Variants in ZFHX3 observed in about 807,000 individuals in gnomAD.
The protein encoded by ZFHX3 is zinc finger homeobox 3.
A neutral mutation model predicts 279.1 loss-of-function variants in ZFHX3; 42 were observed. The observed-to-expected ratio is 0.15, with a 90% CI of 0.12 to 0.19. ZFHX3 has a LOEUF of 0.19. Among genes scored for constraint, ZFHX3 ranks in the 10% least tolerant of loss-of-function variants. The pLI is 1.00. For missense variants in ZFHX3, 4,981 were observed against 4,754.0 expected, an observed-to-expected ratio of 1.05 and a Z score of -1.40; for synonymous variants, 2,293 against 1,957.8, an observed-to-expected ratio of 1.17 and a Z score of -4.52.
chr16:73,699,500 T>G (rs529675443), intron 1 of ZFHX3, among the ~76,000 whole-genome samples: 2 of 152,278 alleles, frequency 1.3e-5, no homozygotes, highest in African/African-American at 2.4e-5. Flanking sequence ...ATCGCCAAGT[T>G]TTTTGTTACA....
intron 7 of ZFHX3, among the ~76,000 whole-genome samples, chr16:73,122,056 C>T (rs2144809346): frequency 6.6e-6 from 1 of 152,100 alleles, no homozygotes; most frequent in Admixed American, 6.5e-5. Context: ...GTCTCTCTCC[C>T]CACTAAGACT....
In ZFHX3 at chr16:72,975,978, T is replaced by G. The variant is rs576658512; in HGVS notation, c.-49-15784A>C. Among the ~76,000 whole-genome samples the G allele has an allele frequency of 3.1e-3, 472 of 152,300 alleles. 2 individuals carry two copies. Among genetic ancestry groups the G allele is most frequent in the Non-Finnish European group, 4.9e-3 (330 of 68,020 alleles). ...AGTGTGGTTACATATTTTTCCTTAATGGCTTCCTGAACACCCTGGTTAGGT... is the reference window on the plus strand; with the variant it reads ...AGTGTGGTTACATATTTTTCCTTAAGGGCTTCCTGAACACCCTGGTTAGGT... On this transcript the variant is annotated intron_variant, in intron 1 of 9. Coordinates refer to ENST00000268489, the MANE Select transcript of ZFHX3 (RefSeq NM_006885.4).
intron 1 of ZFHX3, chr16:73,816,159 G>A (rs1438099632): frequency 6.6e-6 from 1 of 152,160 alleles, no homozygotes; most frequent in Non-Finnish European, 1.5e-5. Flanking sequence ...GTGCATTGGT[G>A]GAGCTAGATA....
intron 3 of ZFHX3, among the ~76,000 whole-genome samples, chr16:73,325,612 G>A (rs2015666072): frequency 6.6e-6 from 1 of 152,148 alleles, no homozygotes; most frequent in Non-Finnish European, 1.5e-5. Flanking sequence ...ATGGGTATTG[G>A]TGAATGATAG....
intron 3 of ZFHX3, among the ~76,000 whole-genome samples, chr16:73,426,595 T>A (rs543976837): frequency 1.7e-4 from 26 of 152,080 alleles, no homozygotes; most frequent in Non-Finnish European, 2.9e-4. Context: ...TGTGTGTGTG[T>A]GAGAGAGAGA....
chr16:73,619,179 T>A (rs1295161477), intron 2 of ZFHX3, among the ~76,000 whole-genome samples: 1 of 152,024 alleles, frequency 6.6e-6, no homozygotes, highest in Non-Finnish European at 1.5e-5. Context: ...AAATAAGCAC[T>A]ATGGAGAAAA....
chr16:73,226,713 G>T (rs1346051319), intron 5 of ZFHX3, among the ~76,000 whole-genome samples: 1 of 152,154 alleles, frequency 6.6e-6, no homozygotes, highest in Non-Finnish European at 1.5e-5. Flanking sequence ...CAAATTGATG[G>T]TACTTCCCAC....
intron 6 of ZFHX3, among the ~76,000 whole-genome samples, chr16:73,138,329 C>T (rs1191604113): frequency 6.6e-6 from 1 of 152,018 alleles, no homozygotes; most frequent in Non-Finnish European, 1.5e-5. Context: ...ACGTTTGGGC[C>T]CTGTATAGAG....
intron 4 of ZFHX3, among the ~76,000 whole-genome samples, chr16:73,296,351 G>T (rs915819234): frequency 1.3e-5 from 2 of 152,166 alleles, no homozygotes; most frequent in Non-Finnish European, 2.9e-5. Context: ...ATGAAGGAAG[G>T]ATGGGAGAAC....
At chr16:72,960,738 C>T (rs1961539219) in intron 1 of ZFHX3, among the ~76,000 whole-genome samples, 1 of 152,180 alleles carries the variant, frequency 6.6e-6, no homozygotes. Context: ...AGAACAATTG[C>T]AGCCGTCGCT....
Position 73,788,774 on chromosome 16 carries a change from A to G in ZFHX3, c.-1608+102877T>C, listed in dbSNP as rs190504950. 1.3e-3 allele frequency among the ~76,000 whole-genome samples: 196 copies of G among 151,276 alleles called. 1 individual carries two copies. Among genetic ancestry groups the G allele is most frequent in the South Asian group, 0.011 (52 of 4,790 alleles). ...TAGATCATGAGGTCAGGAAATAGAG[A>G]CCATCCTGGCTAACGTGGTGAAACC... On this transcript the variant is annotated intron_variant, in intron 1 of 17. Transcript: ENST00000641206.
chr16:73,501,415 C>A (rs780176835), intron 2 of ZFHX3, among the ~76,000 whole-genome samples: 4 of 152,172 alleles, frequency 2.6e-5, no homozygotes, highest in African/African-American at 9.7e-5. Flanking sequence ...AAAGCTACCC[C>A]AGCACATCTC....
At chr16:73,432,924 T>C (rs16971958) in intron 3 of ZFHX3, among the ~76,000 whole-genome samples, 3,109 of 152,304 alleles carry the variant, frequency 0.02, 90 homozygotes, top group African/African-American at 0.067. Context: ...TTAAAAACAC[T>C]GATCATTGCA....
intron 1 of ZFHX3, among the ~76,000 whole-genome samples, chr16:72,989,460 C>T (rs1015984385): frequency 3.2e-4 from 48 of 150,294 alleles, no homozygotes; most frequent in Non-Finnish European, 4.9e-4. Context: ...CCAGCCTGGG[C>T]GACAGACACT....
At chr16:73,509,934 G>A (rs879454657) in intron 2 of ZFHX3, among the ~76,000 whole-genome samples, 4 of 152,148 alleles carry the variant, frequency 2.6e-5, no homozygotes, top group Non-Finnish European at 4.4e-5. Context: ...GACTTCAGGT[G>A]ATCCACCTGT....
intron 7 of ZFHX3, among the ~76,000 whole-genome samples, chr16:73,107,458 T>A (rs1409271163): frequency 6.6e-6 from 1 of 152,176 alleles, no homozygotes; most frequent in East Asian, 1.9e-4. Context: ...TGTTTAAATA[T>A]AAGCCCTTTC....
At chr16:73,285,916 C>A (rs779681137) in intron 4 of ZFHX3, among the ~76,000 whole-genome samples, 1 of 152,160 alleles carries the variant, frequency 6.6e-6, no homozygotes, top group African/African-American at 2.4e-5. Context: ...TAGTGTCAAG[C>A]CTGGTGATTT....
chr16:73,401,426 T>G (rs187340648), intron 3 of ZFHX3: 106 of 103,036 alleles, frequency 1.0e-3, no homozygotes, highest in Middle Eastern at 5.4e-3. Flanking sequence ...CCCAGAGGAC[T>G]GTCAGATTCC....
rs2035327378 is a variant in ZFHX3 at position 72,785,491 on chromosome 16, A to ATCTT, written c.*1669_*1672dup. ...AGAAGAAGCACATAACAACCTGGGAATCTTTTGTTTTTCTCTTTCTTTTAT... is the reference window on the plus strand; with the variant it reads ...AGAAGAAGCACATAACAACCTGGGAATCTTTCTTTTGTTTTTCTCTTTCTTTTAT... On this transcript the variant is annotated 3_prime_UTR_variant, in exon 10 of 10. Transcript: ENST00000268489. 1 of 152,772 alleles carries ATCTT rather than the reference A, an allele frequency of 6.5e-6. No homozygotes were observed. Among genetic ancestry groups the ATCTT allele is most frequent in the East Asian group, 1.9e-4 (1 of 5,194 alleles). 9.5% of individuals were successfully genotyped at this position (152,772 alleles called of 1,614,324 possible).
Sources: allele counts gnomAD v4.1 joint callset (sites outside exome capture counted in the v4.1 genomes callset), GRCh38; gene constraint gnomAD v4.1.1; transcripts MANE v1.5; gene names NCBI Gene and HGNC (gene_info 2026-07-23, HGNC 2026-07-21).